GABRB1: variants seen among roughly 807,000 people sequenced by gnomAD.
The protein encoded by GABRB1 is gamma-aminobutyric acid type A receptor subunit beta1.
In GABRB1, 17 loss-of-function variants were observed where a neutral mutation model predicts 51.6. The ratio of observed to expected loss-of-function variants is 0.33; its 90% CI spans 0.23 to 0.49. The LOEUF (loss-of-function observed/expected upper bound fraction) is 0.49. GABRB1 is among the 20% of genes least tolerant of loss of function. GABRB1 has a pLI of 0.99. For missense variants in GABRB1, 410 were observed against 600.6 expected (o/e 0.68, Z 3.32); for synonymous variants, 247 against 218.9 (o/e 1.13, Z -1.14).
At chr4:46,998,056 T>C (rs745593585) in intron 1 of GABRB1, among the ~76,000 whole-genome samples, 2 of 152,192 alleles carry the variant, frequency 1.3e-5, no homozygotes, top group African/African-American at 2.4e-5. Context: ...GTACAAGGGT[T>C]TCCTAATCTG....
intron 3 of GABRB1, among the ~76,000 whole-genome samples, chr4:47,076,852 C>T (rs765874057): frequency 2.4e-4 from 37 of 152,116 alleles, no homozygotes; most frequent in Admixed American, 7.9e-4. Context: ...AAATCACTTC[C>T]ACGAGGGGCC....
chr4:47,315,274 T>A (rs1288911706), intron 4 of GABRB1, among the ~76,000 whole-genome samples: 2 of 151,838 alleles, frequency 1.3e-5, no homozygotes, highest in African/African-American at 4.8e-5. Context: ...CCAACAAGCA[T>A]ATAAAAAATG....
At chr4:47,094,141 A>G (rs998491913) in intron 3 of GABRB1, among the ~76,000 whole-genome samples, 3 of 152,160 alleles carry the variant, frequency 2.0e-5, no homozygotes, top group African/African-American at 7.2e-5. Flanking sequence ...TATGATTGGA[A>G]AAAACGGTAG....
intron 5 of GABRB1, among the ~76,000 whole-genome samples, chr4:47,401,939 C>T (rs1578147449): frequency 6.6e-6 from 1 of 152,038 alleles, no homozygotes; most frequent in East Asian, 1.9e-4. Context: ...CTCAAGGAGA[C>T]ATTTAGAATC....
At chr4:47,267,535 C>T (rs1722684997) in intron 4 of GABRB1, among the ~76,000 whole-genome samples, 2 of 152,098 alleles carry the variant, frequency 1.3e-5, no homozygotes, top group African/African-American at 4.8e-5. Context: ...TGGCTCACGC[C>T]TGTAATCTCA....
chr4:47,400,614 C>T (rs537298551), intron 5 of GABRB1, among the ~76,000 whole-genome samples: 6 of 150,428 alleles, frequency 4.0e-5, no homozygotes, highest in African/African-American at 1.2e-4. Flanking sequence ...GGGGTTTTTA[C>T]TTACATGGAT....
intron 1 of GABRB1, among the ~76,000 whole-genome samples, chr4:47,012,050 C>T (rs886795383): frequency 1.3e-5 from 2 of 152,114 alleles, no homozygotes; most frequent in African/African-American, 4.8e-5. Flanking sequence ...TGAGTATCCA[C>T]CACACTGTCC....
At chr4:47,190,324 C>T (rs1353808264) in intron 4 of GABRB1, among the ~76,000 whole-genome samples, 2 of 152,082 alleles carry the variant, frequency 1.3e-5, no homozygotes, top group African/African-American at 4.8e-5. Context: ...GCTAACCATA[C>T]CCAACTCTAT....
chr4:47,007,895 A>ATATATATATATATATGT (rs375965914), intron 1 of GABRB1, among the ~76,000 whole-genome samples: 1 of 17,524 alleles, frequency 5.7e-5, no homozygotes, highest in South Asian at 2.1e-3. Context: ...TATATATATA[A>ATATATATATATATATGT]AATCAAGTTT....
At chr4:47,103,407 A>G (rs931176326) in intron 3 of GABRB1, among the ~76,000 whole-genome samples, 29 of 152,020 alleles carry the variant, frequency 1.9e-4, no homozygotes, top group African/African-American at 5.8e-4. Flanking sequence ...AGTAAATCCT[A>G]TTATAACCCA....
chr4:47,066,930 C>G (rs1452142519), intron 3 of GABRB1, among the ~76,000 whole-genome samples: 2 of 152,152 alleles, frequency 1.3e-5, no homozygotes, highest in African/African-American at 4.8e-5. Flanking sequence ...ATCATTATCT[C>G]TGGTAGCTAT....
At chr4:47,301,313 C>A (rs189278066) in intron 4 of GABRB1, among the ~76,000 whole-genome samples, 1 of 152,188 alleles carries the variant, frequency 6.6e-6, no homozygotes, top group East Asian at 1.9e-4. Context: ...AAGATAAATT[C>A]ATGTAAAAGT....
intron 4 of GABRB1, among the ~76,000 whole-genome samples, chr4:47,192,511 T>C (rs980004997): frequency 2.0e-5 from 3 of 152,218 alleles, no homozygotes; most frequent in Non-Finnish European, 4.4e-5. Context: ...TTTGCTGTTA[T>C]ATCATTAATT....
At chr4:47,377,634 GC>G (rs1727435357) in intron 5 of GABRB1, among the ~76,000 whole-genome samples, 1 of 152,030 alleles carries the variant, frequency 6.6e-6, no homozygotes, top group African/African-American at 2.4e-5. Context: ...CTCTTATCTG[GC>G]CCCACCCACA....
intron 1 of GABRB1, among the ~76,000 whole-genome samples, chr4:46,994,660 A>G (rs141798109): frequency 7.7e-4 from 117 of 152,312 alleles, no homozygotes; most frequent in African/African-American, 2.7e-3. Context: ...CTGAGCAAAG[A>G]TAAGCATTCC....
chr4:47,198,988 C>A lies in GABRB1; in HGVS notation c.461+37519C>A, dbSNP rs143400648. Among the ~76,000 whole-genome samples, 1,092 of 152,246 alleles carry A rather than the reference C, an allele frequency of 7.2e-3. 6 individuals carry two copies. The highest frequency in any genetic ancestry group is 0.012 in the Non-Finnish European group (801 of 68,018). ...ATCATGAGAACAGCATGGAGGAAAC[C>A]ACCCCCATGATCCAATTACCTCCCA... is the stretch of plus-strand genomic sequence containing the variant. On this transcript the variant is annotated intron_variant, in intron 4 of 8. Transcript: ENST00000295454.
At chr4:47,403,287 T>C (rs375002903) in intron 5 of GABRB1, 31 bp from the exon 6 acceptor site, 25 of 1,608,148 alleles carry the variant, frequency 1.6e-5, no homozygotes, top group Middle Eastern at 1.7e-4. Context: ...TCCTAAACTT[T>C]GTTTAACCGT....
intron 4 of GABRB1, among the ~76,000 whole-genome samples, chr4:47,273,130 T>G (rs1192558408): frequency 6.6e-6 from 1 of 152,152 alleles, no homozygotes; most frequent in African/African-American, 2.4e-5. Context: ...TAAAAAGCCT[T>G]AAGAACCTCC....
intron 3 of GABRB1, among the ~76,000 whole-genome samples, chr4:47,140,271 C>T (rs1716876321): frequency 6.6e-6 from 1 of 151,904 alleles, no homozygotes; most frequent in South Asian, 2.1e-4. Context: ...TACATAATTT[C>T]TCATATCAGG....
Sources: allele counts gnomAD v4.1 joint callset (sites outside exome capture counted in the v4.1 genomes callset), GRCh38; gene constraint gnomAD v4.1.1; transcripts MANE v1.5; gene names NCBI Gene and HGNC (gene_info 2026-07-23, HGNC 2026-07-21).